CES5A: variants seen among roughly 807,000 people sequenced by gnomAD.
CES5A encodes the protein carboxylesterase 5A, also known as carboxylesterase 5.
In CES5A, 67 loss-of-function variants were observed where a neutral mutation model predicts 62.9. The ratio of observed to expected loss-of-function variants is 1.07; its 90% CI spans 0.88 to 1.31. The LOEUF (loss-of-function observed/expected upper bound fraction) is 1.31, where lower values mean the gene tolerates loss of function less well. Among genes scored for constraint, CES5A ranks in the 50% most tolerant of loss-of-function variants. The pLI is 0.00. For synonymous variants in CES5A, 296 were observed against 280.8 expected, an observed-to-expected ratio of 1.05 and a Z score of -0.54; for missense variants, 748 against 708.5, an observed-to-expected ratio of 1.06 and a Z score of -0.63.
upstream of CES5A, among the ~76,000 whole-genome samples, chr16:55,879,227 C>A (rs772452402): frequency 6.7e-6 from 1 of 149,160 alleles, no homozygotes; most frequent in Non-Finnish European, 1.5e-5. Flanking sequence ...TCCATCACTG[C>A]ACCCCATCAC....
intron 1 of CES5A, among the ~76,000 whole-genome samples, chr16:55,954,101 A>G (rs111343058): frequency 9.0e-4 from 137 of 152,228 alleles, no homozygotes; most frequent in Non-Finnish European, 1.6e-3. Context: ...CATGAGTTCA[A>G]TTGTTTTAAT....
At chr16:55,882,596 G>A (rs1427119060) in intron 1 of CES5A, among the ~76,000 whole-genome samples, 4 of 152,174 alleles carry the variant, frequency 2.6e-5, no homozygotes, top group Non-Finnish European at 2.9e-5. Flanking sequence ...ACTCAAACCT[G>A]GTGGTCTTTC....
At chr16:55,881,736 C>T (rs2033764162) in intron 1 of CES5A, among the ~76,000 whole-genome samples, 1 of 152,148 alleles carries the variant, frequency 6.6e-6, no homozygotes, top group Non-Finnish European at 1.5e-5. Flanking sequence ...GATCCCTTCA[C>T]TAAGGCAGTA....
upstream of CES5A, among the ~76,000 whole-genome samples, chr16:55,877,745 C>G (rs1410805500): frequency 6.6e-6 from 1 of 152,090 alleles, no homozygotes; most frequent in Non-Finnish European, 1.5e-5. Context: ...GCATCTATTA[C>G]CTAATTTAAT....
At chr16:55,947,113 G>A (rs1322437648) in intron 2 of CES5A, among the ~76,000 whole-genome samples, 1 of 152,222 alleles carries the variant, frequency 6.6e-6, no homozygotes, top group Non-Finnish European at 1.5e-5. Context: ...GATGACACCT[G>A]GGAGGGACCC....
At chr16:55,899,056 C>T (rs1414954473) in intron 1 of CES5A, among the ~76,000 whole-genome samples, 1 of 152,160 alleles carries the variant, frequency 6.6e-6, no homozygotes, top group Non-Finnish European at 1.5e-5. Flanking sequence ...TACAACATAA[C>T]TCAGAATGAA....
At chr16:55,859,716 A>G in intron 7 of CES5A, 29 bp from the exon 8 acceptor site, 3 of 1,581,890 alleles carry the variant, frequency 1.9e-6, no homozygotes, top group Non-Finnish European at 1.7e-6. Flanking sequence ...AAAAATCATC[A>G]GCTATCATCA....
intron 8 of CES5A, 34 bp from the exon 9 acceptor site, chr16:55,856,479 T>C: frequency 6.2e-7 from 1 of 1,607,154 alleles, no homozygotes; most frequent in African/African-American, 1.3e-5. Context: ...GTAAGCCATC[T>C]GGTCATGAGA....
At chr16:55,867,351 T>A (rs1280328467) in intron 4 of CES5A, among the ~76,000 whole-genome samples, 20 of 152,204 alleles carry the variant, frequency 1.3e-4, no homozygotes, top group Non-Finnish European at 1.5e-5. Context: ...CAATTGCATG[T>A]TTCCCGGGAT....
In CES5A at chr16:55,846,568, A is replaced by C. The variant is rs11860456; in HGVS notation, c.1611T>G (p.Asp537Glu). Reference sequence around the variant, plus strand: ...TCAGGGGGATGGTGCTGGTCCAAAAATCCACCCGCGGTTCTTTGAGTCTCT... The same window carrying C: ...TCAGGGGGATGGTGCTGGTCCAAAACTCCACCCGCGGTTCTTTGAGTCTCT... ...LGQRLKEPRVDFWTSTIPLIL... is the reference protein window; with the variant it reads ...LGQRLKEPRVEFWTSTIPLIL... Residue 537 changes from aspartate to glutamate, a missense_variant, in exon 13 of 13, where the codon GAT (aspartate) becomes GAG (glutamate). Asp to Glu is a conservative substitution (Grantham distance 45). Transcript: ENST00000290567. 406,305 of 1,613,782 alleles carry C rather than the reference A, an allele frequency of 0.25. 54,749 individuals carry two copies. Among genetic ancestry groups the C allele is most frequent in the African/African-American group, 0.49 (36,613 of 74,896 alleles).
At chr16:55,846,906 A>G (rs2033025048) in intron 11 of CES5A, 66 bp from the exon 12 acceptor site, 1 of 1,320,694 alleles carries the variant, frequency 7.6e-7, no homozygotes, top group African/African-American at 1.5e-5. Context: ...GGTGCCTTGT[A>G]TTTGATTAAT....
chr16:55,926,413 C>A (rs2034258104), upstream of CES5A, among the ~76,000 whole-genome samples: 1 of 152,156 alleles, frequency 6.6e-6, no homozygotes, highest in Non-Finnish European at 1.5e-5. Context: ...GTTCAAGATA[C>A]TTTTGTAAGC....
upstream of CES5A, among the ~76,000 whole-genome samples, chr16:55,926,043 C>T (rs59539643): frequency 6.7e-3 from 1,013 of 152,032 alleles, 15 homozygotes; most frequent in African/African-American, 0.024. Flanking sequence ...GAAATAAGAC[C>T]TAGTGTTTGC....
chr16:55,935,048 T>A (rs1718732554), intron 2 of CES5A, among the ~76,000 whole-genome samples: 1 of 152,234 alleles, frequency 6.6e-6, no homozygotes, highest in Admixed American at 6.5e-5. Context: ...GTTCAAGCCA[T>A]TCTTGTGCCT....
rs539315896 is a variant in CES5A at position 55,949,457 on chromosome 16, T to A, written c.160+328A>T. Among the ~76,000 whole-genome samples, 5 of 152,328 alleles carry A rather than the reference T, an allele frequency of 3.3e-5. No homozygotes were observed. In the East Asian group the frequency reaches 9.6e-4, roughly 29 times the overall value. ...GCCAGCAGTTGGGGAAATATGTCCT[T>A]CATTCCTAGAAGCTGATCTAGGTGG... On this transcript the variant is annotated intron_variant, in intron 2 of 13. Coordinates refer to the CES5A transcript ENST00000521992.
intron 1 of CES5A, among the ~76,000 whole-genome samples, chr16:55,881,639 G>A (rs560403260): frequency 1.3e-5 from 2 of 152,082 alleles, no homozygotes; most frequent in African/African-American, 4.8e-5. Context: ...GAGATGAGAA[G>A]GTTCAGGGAT....
chr16:55,848,738 G>C (rs962352923), intron 11 of CES5A, among the ~76,000 whole-genome samples: 12 of 152,148 alleles, frequency 7.9e-5, no homozygotes, highest in African/African-American at 2.4e-4. Context: ...TGATACATAT[G>C]TTGTTGACTT....
chr16:55,895,187 T>A (rs1376044536), intron 1 of CES5A, among the ~76,000 whole-genome samples: 2 of 152,182 alleles, frequency 1.3e-5, no homozygotes, highest in African/African-American at 2.4e-5. Flanking sequence ...TTGCAAAGAT[T>A]GGACTAATTT....
At chr16:55,887,249 G>T (rs1340499070) in intron 1 of CES5A, among the ~76,000 whole-genome samples, 1 of 151,910 alleles carries the variant, frequency 6.6e-6, no homozygotes, top group Non-Finnish European at 1.5e-5. Flanking sequence ...GGAATATCAG[G>T]TCGTTTTCTG....
Sources: gnomAD v4.1 joint callset for allele counts (sites outside exome capture counted in the v4.1 genomes callset) on GRCh38, gnomAD v4.1.1 for gene constraint, MANE v1.5 for transcripts, NCBI Gene and HGNC (gene_info 2026-07-23, HGNC 2026-07-21) for gene names.